ATRNL1: variants seen among roughly 807,000 people sequenced by gnomAD.
ATRNL1 encodes the protein attractin-like protein 1.
Under a neutral mutation model 182.7 loss-of-function variants are expected in ATRNL1, and 95 were observed. The observed-to-expected ratio is 0.52, with a 90% CI of 0.44 to 0.62. The LOEUF (loss-of-function observed/expected upper bound fraction) is 0.62. Ranked by LOEUF, ATRNL1 falls within the 20% of genes least tolerant of loss-of-function variation. The pLI, the probability that ATRNL1 is intolerant of heterozygous loss-of-function variation, is 0.00. For missense variants in ATRNL1, 1,471 were observed against 1,679.5 expected, an observed-to-expected ratio of 0.88 and a Z score of 2.17; for synonymous variants, 576 against 568.3, an observed-to-expected ratio of 1.01 and a Z score of -0.19.
At chr10:115,544,515 G>A (rs548570288) in intron 25 of ATRNL1, among the ~76,000 whole-genome samples, 13 of 152,256 alleles carry the variant, frequency 8.5e-5, no homozygotes, top group South Asian at 6.2e-4. Context: ...GTCACATGGC[G>A]AAAGCAGGAA....
At chr10:115,535,017 C>T (rs868943661) in intron 25 of ATRNL1, among the ~76,000 whole-genome samples, 4,546 of 147,920 alleles carry the variant, frequency 0.031, no homozygotes, top group African/African-American at 0.11. Flanking sequence ...GTAACCCGAC[C>T]TTTCTCTCTG....
intron 8 of ATRNL1, among the ~76,000 whole-genome samples, chr10:115,175,826 G>GT (rs1847481497): frequency 6.6e-6 from 1 of 152,032 alleles, no homozygotes; most frequent in Non-Finnish European, 1.5e-5. Context: ...AAAGAAAAGA[G>GT]TACAAAATGA....
chr10:115,615,439 T>C (rs1857379663), intron 26 of ATRNL1, among the ~76,000 whole-genome samples: 1 of 152,140 alleles, frequency 6.6e-6, no homozygotes, highest in Non-Finnish European at 1.5e-5. Flanking sequence ...GAATATAATA[T>C]ATAATATCAT....
chr10:115,776,978 C>T (rs1245438135), intron 27 of ATRNL1, among the ~76,000 whole-genome samples: 3 of 152,232 alleles, frequency 2.0e-5, no homozygotes, highest in African/African-American at 7.2e-5. Flanking sequence ...TAAGCATAAA[C>T]ATTAATTGTA....
chr10:115,628,720 G>A (rs189518539), intron 26 of ATRNL1, among the ~76,000 whole-genome samples: 3 of 152,146 alleles, frequency 2.0e-5, no homozygotes, highest in African/African-American at 4.8e-5. Flanking sequence ...TTATAATTAG[G>A]TATTTGATCA....
chr10:115,914,696 A>G (rs1952790440), intron 28 of ATRNL1, among the ~76,000 whole-genome samples: 1 of 152,182 alleles, frequency 6.6e-6, no homozygotes, highest in South Asian at 2.1e-4. Context: ...CTTACGGTTG[A>G]CTGGTGGAGA....
At chr10:115,737,713 A>G (rs1947999077) in intron 27 of ATRNL1, among the ~76,000 whole-genome samples, 1 of 152,128 alleles carries the variant, frequency 6.6e-6, no homozygotes, top group South Asian at 2.1e-4. Flanking sequence ...TCCATTTCCT[A>G]CAGACCTTTT....
rs140067586 is a variant in ATRNL1, at chr10:115,813,034, C to A, written c.3904-34843C>A. 1.4e-4 allele frequency among the ~76,000 whole-genome samples: 21 copies of A among 152,148 alleles called. No homozygotes were observed. The East Asian group carries it at 4.1e-3, about 30-fold the overall frequency. Reference sequence around the variant, plus strand: ...CCTTTATAAAAGGAGAATTCCCTAGCCAGATTGCCATGACAGCAATCCATT... The same window carrying A: ...CCTTTATAAAAGGAGAATTCCCTAGACAGATTGCCATGACAGCAATCCATT... On this transcript the variant is annotated intron_variant, in intron 27 of 28. Coordinates refer to ENST00000355044, the MANE Select transcript of ATRNL1 (RefSeq NM_207303.4).
At chr10:115,449,709 A>C (rs1317370873) in intron 21 of ATRNL1, among the ~76,000 whole-genome samples, 1 of 152,096 alleles carries the variant, frequency 6.6e-6, no homozygotes, top group Non-Finnish European at 1.5e-5. Context: ...TCCTCCTCCC[A>C]CAAGGGGTTA....
At chr10:115,583,080 G>T (rs1555008318) in intron 26 of ATRNL1, among the ~76,000 whole-genome samples, 2 of 150,088 alleles carry the variant, frequency 1.3e-5, no homozygotes, top group Non-Finnish European at 3.0e-5. Flanking sequence ...ATTTCTGAGG[G>T]CTCTGTTCTG....
intron 26 of ATRNL1, among the ~76,000 whole-genome samples, chr10:115,686,078 ATTTATTAATTAT>A (rs1253180575): frequency 1.8e-4 from 27 of 151,730 alleles, no homozygotes; most frequent in African/African-American, 6.5e-4. Context: ...TAATTTATTA[ATTTATTAATTAT>A]TTATCCAATA....
At chr10:115,648,282 C>G (rs949925438) in intron 26 of ATRNL1, among the ~76,000 whole-genome samples, 5 of 152,098 alleles carry the variant, frequency 3.3e-5, no homozygotes, top group Admixed American at 3.3e-4. Flanking sequence ...GAACTACATA[C>G]CACTGCTCAG....
At chr10:115,924,981 T>C (rs1048397018) in intron 28 of ATRNL1, among the ~76,000 whole-genome samples, 3 of 152,200 alleles carry the variant, frequency 2.0e-5, no homozygotes, top group Non-Finnish European at 4.4e-5. Flanking sequence ...TTAGCTGTAT[T>C]CCTAGGTGTT....
At chr10:115,848,329 T>C (rs1161622816) in intron 28 of ATRNL1, among the ~76,000 whole-genome samples, 2 of 152,208 alleles carry the variant, frequency 1.3e-5, no homozygotes, top group East Asian at 3.9e-4. Flanking sequence ...GCCAGCTTCC[T>C]TTCTTCCAGT....
chr10:115,724,390 A>G (rs1674192789), intron 26 of ATRNL1, among the ~76,000 whole-genome samples: 1 of 152,140 alleles, frequency 6.6e-6, no homozygotes, highest in Non-Finnish European at 1.5e-5. Flanking sequence ...GGCCTGTGGT[A>G]ATTAGTGTGC....
chr10:115,903,242 C>G (rs1410532685), intron 28 of ATRNL1, among the ~76,000 whole-genome samples: 1 of 152,124 alleles, frequency 6.6e-6, no homozygotes, highest in Non-Finnish European at 1.5e-5. Flanking sequence ...GTGCTAAGTT[C>G]AAACTGCTTT....
intron 26 of ATRNL1, among the ~76,000 whole-genome samples, chr10:115,638,806 T>A (rs1555029200): frequency 6.6e-6 from 1 of 152,172 alleles, no homozygotes; most frequent in African/African-American, 2.4e-5. Flanking sequence ...AAAGTAGAGA[T>A]GACAGAGAAT....
intron 1 of ATRNL1, among the ~76,000 whole-genome samples, chr10:115,102,429 T>C (rs1843811325): frequency 6.6e-6 from 1 of 150,670 alleles, no homozygotes; most frequent in Non-Finnish European, 1.5e-5. Context: ...AATGTATGTA[T>C]ATGTGTATAT....
At chr10:115,153,534 A>G (rs1459414943) in intron 5 of ATRNL1, among the ~76,000 whole-genome samples, 2 of 152,050 alleles carry the variant, frequency 1.3e-5, no homozygotes, top group African/African-American at 2.4e-5. Context: ...GGTAGTTTGT[A>G]TTTCTTTGGG....
Sources: gnomAD v4.1 joint callset for allele counts (sites outside exome capture counted in the v4.1 genomes callset) on GRCh38, gnomAD v4.1.1 for gene constraint, MANE v1.5 for transcripts, NCBI Gene and HGNC (gene_info 2026-07-23, HGNC 2026-07-21) for gene names.